GC: variants seen among roughly 807,000 people sequenced by gnomAD.
GC encodes the protein GC vitamin D binding protein, also known as vitamin D-binding protein.
In GC, 43 loss-of-function variants were observed where a neutral mutation model predicts 56.7. The observed-to-expected ratio is 0.76, with a 90% CI of 0.59 to 0.98. The LOEUF is 0.98. Among genes scored for constraint, GC ranks in the 50% least tolerant of loss-of-function variants. The probability of loss-of-function intolerance (pLI) is 0.00; values close to 1 mark genes in which losing one functional copy is unlikely to be tolerated. For missense variants in GC, 529 were observed against 545.9 expected (o/e 0.97, Z 0.31); for synonymous variants, 216 against 202.7 (o/e 1.07, Z -0.56).
chr4:71,766,367 C>T (rs948282595), intron 3 of GC, among the ~76,000 whole-genome samples: 27 of 152,302 alleles, frequency 1.8e-4, no homozygotes, highest in African/African-American at 6.3e-4. Flanking sequence ...CCTGCATTTA[C>T]TGCTTCAACA....
intron 1 of GC, among the ~76,000 whole-genome samples, chr4:71,791,912 G>A (rs142113782): frequency 0.021 from 3,182 of 152,166 alleles, 112 homozygotes; most frequent in African/African-American, 0.072. Context: ...GAGAACATGC[G>A]GTGTTTGCTT....
intron 12 of GC, among the ~76,000 whole-genome samples, chr4:71,744,765 G>A (rs1267698475): frequency 6.6e-6 from 1 of 152,150 alleles, no homozygotes; most frequent in Non-Finnish European, 1.5e-5. Flanking sequence ...TGCATATTGG[G>A]ATTTTAACTC....
rs370173323 is a variant in GC at position 71,753,029 on chromosome 4, CT to C, written c.1263-380del. Reference sequence around the variant, plus strand: ...ACAGGACCTCATACCAGCTTAATGCCTTTTTTTCCTCTCATAATTTATATAA... The same window carrying C: ...ACAGGACCTCATACCAGCTTAATGCCTTTTTTCCTCTCATAATTTATATAA... On this transcript the variant is annotated intron_variant, in intron 10 of 12. Coordinates refer to ENST00000273951, the MANE Select transcript of GC (RefSeq NM_000583.4). Among the ~76,000 whole-genome samples, 106 of 152,190 alleles carry C rather than the reference CT, an allele frequency of 7.0e-4. 1 individual carries two copies. The East Asian group carries it at 0.019, about 27-fold the overall frequency.
At chr4:71,779,370 G>C (rs1427001646) in intron 1 of GC, among the ~76,000 whole-genome samples, 2 of 151,710 alleles carry the variant, frequency 1.3e-5, no homozygotes, top group Non-Finnish European at 2.9e-5. Flanking sequence ...AGGTTGGCTA[G>C]GGAAGCCCCC....
intron 1 of GC, among the ~76,000 whole-genome samples, chr4:71,796,814 G>C (rs940172984): frequency 6.6e-6 from 1 of 152,136 alleles, no homozygotes; most frequent in African/African-American, 2.4e-5. Flanking sequence ...GTCTACCTTT[G>C]ATCTTTGATG....
chr4:71,759,807 G>A (rs1741903453), intron 6 of GC, among the ~76,000 whole-genome samples: 1 of 152,100 alleles, frequency 6.6e-6, no homozygotes, highest in African/African-American at 2.4e-5. Context: ...TTATCAGATA[G>A]CTAAATCTGT....
upstream of GC, among the ~76,000 whole-genome samples, chr4:71,805,311 C>A (rs1287462237): frequency 6.6e-6 from 1 of 152,136 alleles, no homozygotes; most frequent in Non-Finnish European, 1.5e-5. Flanking sequence ...AAGCAGGCAC[C>A]CATTACTTAT....
intron 1 of GC, among the ~76,000 whole-genome samples, chr4:71,795,542 A>G (rs183141900): frequency 2.4e-4 from 36 of 152,278 alleles, no homozygotes; most frequent in Admixed American, 1.1e-3. Context: ...TTTTGAGCCA[A>G]TGTGTGTCTC....
chr4:71,756,927 T>C lies in GC; in HGVS notation c.832-13A>G, dbSNP rs1487001605. 3 of 1,566,894 alleles carry C rather than the reference T, an allele frequency of 1.9e-6. No individual in the cohort carries two copies. Among genetic ancestry groups the C allele is most frequent in the African/African-American group, 1.4e-5 (1 of 74,054 alleles). On this transcript the variant is annotated splice_polypyrimidine_tract_variant and intron_variant, in intron 7 of 12. Coordinates refer to ENST00000273951, the MANE Select transcript of GC (RefSeq NM_000583.4). ...TGTGTTCAGGCAGCTACAAAACGAA[T>C]GGTTAGTTTGTGCATTGTTAGTTTC...
chr4:71,783,657 G>A (rs762903411), intron 1 of GC, among the ~76,000 whole-genome samples: 26 of 151,696 alleles, frequency 1.7e-4, no homozygotes, highest in Admixed American at 6.6e-4. Context: ...ATTAGCAAAT[G>A]TCTAATTTTA....
In GC at chr4:71,741,790, T is replaced by A; in HGVS notation, c.*106A>T. 1.4e-6 allele frequency: 1 copy of A among 702,206 alleles called. No individual in the cohort carries two copies. The highest frequency in any genetic ancestry group is 1.5e-5 in the South Asian group (1 of 67,254). The allele number at this position is 702,206 out of a possible 1,614,324, so 43.5% of individuals were successfully genotyped here. ...TAGCTAGAAAAAGTAGAAAGTATCC[T>A]AGTTGTCTTCCCAGAAGCTCAGTGG... On this transcript the variant is annotated 3_prime_UTR_variant, in exon 13 of 13. Transcript: ENST00000273951.
chr4:71,756,407 G>A (rs1741770153), intron 8 of GC, among the ~76,000 whole-genome samples: 1 of 152,186 alleles, frequency 6.6e-6, no homozygotes, highest in Non-Finnish European at 1.5e-5. Flanking sequence ...ACAATAGGCT[G>A]AAGTTCAGAA....
rs778122929 is a variant in GC at position 71,758,027 on chromosome 4, T to C, written c.831+15A>G. The stretch of plus-strand genomic sequence containing the variant: ...ACCTGGCACATGGTGATAATGATAA[T>C]AAAGCTTGTCTTACCTCTTTGGCCA... On this transcript the variant is annotated intron_variant, in intron 7 of 12. Transcript: ENST00000273951. The C allele has an allele frequency of 1.2e-6, 2 of 1,610,378 alleles. No individual in the cohort carries two copies. The highest frequency in any genetic ancestry group is 1.7e-6 in the Non-Finnish European group (2 of 1,177,732).
At chr4:71,778,425 C>T (rs1204305709) in intron 1 of GC, among the ~76,000 whole-genome samples, 1 of 151,924 alleles carries the variant, frequency 6.6e-6, no homozygotes, top group Admixed American at 6.6e-5. Context: ...AGGAACCACA[C>T]AACTTACATT....
In GC at chr4:71,784,064, A is replaced by T; in HGVS notation, c.-46T>A. The T allele has an allele frequency of 1.3e-6, 2 of 1,575,802 alleles. No homozygotes were observed. The highest frequency in any genetic ancestry group is 1.8e-5 in the Admixed American group (1 of 54,236). On this transcript the variant is annotated 5_prime_UTR_variant, in exon 1 of 13. Coordinates refer to ENST00000273951, the MANE Select transcript of GC (RefSeq NM_000583.4). ...CAGCACCTCCTCTCTCCTGTAGGTGACCATGTAAAAGTGGTAGCCAAAAGT... is the reference window on the plus strand; with the variant it reads ...CAGCACCTCCTCTCTCCTGTAGGTGTCCATGTAAAAGTGGTAGCCAAAAGT...
At chr4:71,750,759 C>T (rs1167365473) in intron 11 of GC, among the ~76,000 whole-genome samples, 2 of 152,012 alleles carry the variant, frequency 1.3e-5, no homozygotes, top group Non-Finnish European at 2.9e-5. Flanking sequence ...GTGGTGGGCA[C>T]CTATAATACC....
chr4:71,761,494 A>C (rs1430415104), intron 6 of GC, among the ~76,000 whole-genome samples: 2 of 152,218 alleles, frequency 1.3e-5, no homozygotes, highest in African/African-American at 4.8e-5. Context: ...GAGAAATTCA[A>C]GCTGGCTATA....
At chr4:71,785,380 G>A (rs970706560), upstream of GC, among the ~76,000 whole-genome samples, 2 of 151,654 alleles carry the variant, frequency 1.3e-5, no homozygotes, top group African/African-American at 4.8e-5. Context: ...CTGTGTCCAG[G>A]GTCCCGCAGA....
chr4:71,776,025 A>T (rs1742497159), intron 1 of GC, among the ~76,000 whole-genome samples: 4 of 152,028 alleles, frequency 2.6e-5, no homozygotes, highest in Admixed American at 2.6e-4. Flanking sequence ...AAATGTGGAG[A>T]AAAGGGAACT....
Sources: allele counts gnomAD v4.1 joint callset (sites outside exome capture counted in the v4.1 genomes callset), GRCh38; gene constraint gnomAD v4.1.1; transcripts MANE v1.5; gene names NCBI Gene and HGNC (gene_info 2026-07-23, HGNC 2026-07-21).